The following NAT9 variants were observed in gnomAD, a reference collection of about 807,000 sequenced individuals.
The protein encoded by NAT9 is alpha/beta-tubulin-N-acetyltransferase 9.
In NAT9, 18 loss-of-function variants were observed where a neutral mutation model predicts 24.0. The ratio of observed to expected loss-of-function variants is 0.75; its 90% CI spans 0.52 to 1.11. The LOEUF (loss-of-function observed/expected upper bound fraction) is 1.11, where lower values mean the gene tolerates loss of function less well. Among genes scored for constraint, NAT9 ranks in the 50% most tolerant of loss-of-function variants. The pLI, the probability that NAT9 is intolerant of heterozygous loss-of-function variation, is 0.00. For synonymous variants in NAT9, 104 were observed against 102.3 expected (o/e 1.02, Z -0.10); for missense variants, 254 against 258.6 (o/e 0.98, Z 0.12).
At chr17:74,771,902 A>G in intron 6 of NAT9, 44 bp from the exon 7 acceptor site, 2 of 1,614,188 alleles carry the variant, frequency 1.2e-6, no homozygotes, top group East Asian at 4.5e-5. Flanking sequence ...TTACAGTATT[A>G]CCACCACCAG....
At chr17:74,772,529 TG>T (rs1567838453) in intron 4 of NAT9, 1 of 1,412,020 alleles carries the variant, frequency 7.1e-7, no homozygotes, top group Non-Finnish European at 9.2e-7. Flanking sequence ...AGTAGCCACT[TG>T]GGGGAAACTG....
rs1449961741 is a variant in NAT9 at position 74,775,654 on chromosome 17, G to A, written c.45C>T (p.Val15=). 16 of 1,613,978 alleles carry A rather than the reference G, an allele frequency of 9.9e-6. No individual in the cohort carries two copies. Among genetic ancestry groups the A allele is most frequent in the Non-Finnish European group, 1.3e-5 (15 of 1,179,982 alleles). ...CATGCTCCGAGGTGTAGGGTACAAGGACCACCTTCTTCCCCAGCAGCAAGG... is the reference window on the plus strand; with the variant it reads ...CATGCTCCGAGGTGTAGGGTACAAGAACCACCTTCTTCCCCAGCAGCAAGG... ...QNTLLLGKKV[V]LVPYTSEHVP... The change falls in exon 2 of 7, where the codon GTC becomes GTT. Residue 15 remains valine (V), a synonymous_variant. Transcript: ENST00000357814.
chr17:74,775,694 C>T lies in NAT9; in HGVS notation c.5G>A (p.Arg2Lys). The T allele has an allele frequency of 6.2e-7, 1 of 1,614,076 alleles. No individual in the cohort carries two copies. Among genetic ancestry groups the T allele is most frequent in the Non-Finnish European group, 8.5e-7 (1 of 1,179,958 alleles). The change falls in exon 2 of 7, where the codon AGG (arginine) becomes AAG (lysine). Residue 2 changes from arginine (R) to lysine (K), a missense_variant. Physicochemically the swap from Arg to Lys is conservative, Grantham distance 26. Coordinates refer to ENST00000357814, the MANE Select transcript of NAT9 (RefSeq NM_015654.5). ...CAGCAGCAAGGTGTTCTGATTCAAC[C>T]TCATGGTAGCAGCCTGCATGCAGAT... MRLNQNTLLLGK... is the reference protein window; with the variant it reads MKLNQNTLLLGK...
chr17:74,775,250 C>T, intron 2 of NAT9: 1 of 168,696 alleles, frequency 5.9e-6, no homozygotes, highest in Non-Finnish European at 1.3e-5. Flanking sequence ...TACAGTGGTA[C>T]AATCACAGCT....
In NAT9 at chr17:74,771,422, C is replaced by T; in HGVS notation, c.*302G>A. 2.1e-6 allele frequency: 1 copy of T among 473,094 alleles called. No homozygotes were observed. The highest frequency in any genetic ancestry group is 3.8e-5 in the East Asian group (1 of 26,266). The allele number at this position is 473,094 out of a possible 1,614,324, so 29.3% of individuals were successfully genotyped here. On this transcript the variant is annotated 3_prime_UTR_variant, in exon 7 of 7. Coordinates refer to ENST00000357814, the MANE Select transcript of NAT9 (RefSeq NM_015654.5). ...ATCCATGTTCCAGGTCCCCCTGCACCTCCAGCTCCCACCTTCATCCCGACA... is the reference window on the plus strand; with the variant it reads ...ATCCATGTTCCAGGTCCCCCTGCACTTCCAGCTCCCACCTTCATCCCGACA...
Position 74,771,418 on chromosome 17 carries a change from G to A in NAT9, c.*306C>T, listed in dbSNP as rs1046748922. The A allele has an allele frequency of 7.0e-5, 32 of 459,664 alleles. No individual in the cohort carries two copies. The highest frequency in any genetic ancestry group is 1.3e-4 in the Admixed American group (4 of 29,840). 28.5% of individuals were successfully genotyped at this position (459,664 alleles called of 1,614,324 possible). On this transcript the variant is annotated 3_prime_UTR_variant, in exon 7 of 7. Coordinates refer to ENST00000357814, the MANE Select transcript of NAT9 (RefSeq NM_015654.5). ...TCCCATCCATGTTCCAGGTCCCCCT[G>A]CACCTCCAGCTCCCACCTTCATCCC... is the stretch of plus-strand genomic sequence containing the variant.
At chr17:74,772,801 A>G in intron 4 of NAT9, 95 bp downstream of exon 4, 1 of 1,546,418 alleles carries the variant, frequency 6.5e-7, no homozygotes, top group Non-Finnish European at 8.8e-7. Context: ...CTCCCAGTGA[A>G]CCCTGTGAGT....
In NAT9 at chr17:74,775,612, G is replaced by C; in HGVS notation, c.77+10C>G. 1 of 1,613,060 alleles carries C rather than the reference G, an allele frequency of 6.2e-7. No homozygotes were observed. Among genetic ancestry groups the C allele is most frequent in the Non-Finnish European group, 8.5e-7 (1 of 1,179,088 alleles). ...GCTGATACGCACCCCATGTCAAGCG[G>C]GAAAGATACCTGGGCACATGCTCCG... On this transcript the variant is annotated intron_variant, in intron 2 of 6. Transcript: ENST00000357814.
Sources: gnomAD v4.1 joint callset for allele counts on GRCh38, gnomAD v4.1.1 for gene constraint, MANE v1.5 for transcripts, NCBI Gene and HGNC (gene_info 2026-07-23, HGNC 2026-07-21) for gene names.